PTPRD: variants seen among roughly 807,000 people sequenced by gnomAD.
PTPRD encodes protein tyrosine phosphatase receptor type D.
A neutral mutation model predicts 214.5 loss-of-function variants in PTPRD; 34 were observed. The ratio of observed to expected loss-of-function variants is 0.16; its 90% CI spans 0.12 to 0.21. The LOEUF (loss-of-function observed/expected upper bound fraction) is 0.21, where lower values mean the gene tolerates loss of function less well. Among genes scored for constraint, PTPRD ranks in the 10% least tolerant of loss-of-function variants. The probability of loss-of-function intolerance (pLI) is 1.00; values close to 1 mark genes in which losing one functional copy is unlikely to be tolerated. For synonymous variants in PTPRD, 1,128 were observed against 845.7 expected, an observed-to-expected ratio of 1.33 and a Z score of -5.79; for missense variants, 2,545 against 2,398.7, an observed-to-expected ratio of 1.06 and a Z score of -1.27.
chr9:10,465,814 A>C (rs995530426), intron 2 of PTPRD, among the ~76,000 whole-genome samples: 2 of 152,344 alleles, frequency 1.3e-5, no homozygotes, highest in Non-Finnish European at 2.9e-5. Flanking sequence ...GACCTCACCT[A>C]ACATGGCATT....
intron 5 of PTPRD, among the ~76,000 whole-genome samples, chr9:9,899,451 T>C (rs1274616563): frequency 1.3e-5 from 2 of 151,996 alleles, no homozygotes; most frequent in Non-Finnish European, 2.9e-5. Context: ...ATAAAAAAAG[T>C]TCAATAACAC....
intron 9 of PTPRD, among the ~76,000 whole-genome samples, chr9:9,260,760 G>T (rs10114102): frequency 0.61 from 92,988 of 151,580 alleles, 29,268 homozygotes; most frequent in African/African-American, 0.76. Context: ...AATGGTAGAC[G>T]ACACTTTTCA....
At chr9:9,373,162 A>G (rs569011530) in intron 9 of PTPRD, among the ~76,000 whole-genome samples, 2 of 152,160 alleles carry the variant, frequency 1.3e-5, no homozygotes, top group African/African-American at 4.8e-5. Flanking sequence ...ACAAAGGTTA[A>G]AGACATGGAC....
chr9:10,553,252 T>C (rs2061743274), intron 2 of PTPRD, among the ~76,000 whole-genome samples: 1 of 152,038 alleles, frequency 6.6e-6, no homozygotes, highest in African/African-American at 2.4e-5. Context: ...ATATCTTAGA[T>C]CCTAGCAGAA....
intron 7 of PTPRD, among the ~76,000 whole-genome samples, chr9:9,664,490 C>A (rs964295948): frequency 6.6e-6 from 1 of 151,592 alleles, no homozygotes; most frequent in African/African-American, 2.4e-5. Context: ...TAGATCAGCT[C>A]TTTTTCCATT....
At chr9:8,402,127 G>A (rs1183732997) in intron 36 of PTPRD, among the ~76,000 whole-genome samples, 4 of 152,092 alleles carry the variant, frequency 2.6e-5, no homozygotes, top group African/African-American at 7.2e-5. Context: ...TGCTGTTCAC[G>A]GTTGTAATTT....
chr9:9,365,009 A>T (rs2057459392), intron 9 of PTPRD, among the ~76,000 whole-genome samples: 1 of 151,496 alleles, frequency 6.6e-6, no homozygotes, highest in African/African-American at 2.4e-5. Context: ...TCTCTGATGA[A>T]CTGGATATGA....
chr9:9,772,233 T>C (rs1363641023), intron 5 of PTPRD, among the ~76,000 whole-genome samples: 2 of 152,028 alleles, frequency 1.3e-5, no homozygotes, highest in Admixed American at 6.6e-5. Flanking sequence ...AAGACGGCCA[T>C]CTACGAGACA....
intron 11 of PTPRD, among the ~76,000 whole-genome samples, chr9:8,831,170 G>A (rs2097282380): frequency 6.6e-6 from 1 of 152,126 alleles, no homozygotes; most frequent in Admixed American, 6.6e-5. Flanking sequence ...GTAAGAGGGA[G>A]GGTTGCGGAA....
At chr9:9,818,520 G>T (rs1357556294) in intron 5 of PTPRD, among the ~76,000 whole-genome samples, 1 of 152,106 alleles carries the variant, frequency 6.6e-6, no homozygotes, top group Non-Finnish European at 1.5e-5. Flanking sequence ...TAGAAATGTA[G>T]GTAGGGAAGG....
At chr9:9,562,635 C>A (rs1320326196) in intron 8 of PTPRD, among the ~76,000 whole-genome samples, 1 of 152,044 alleles carries the variant, frequency 6.6e-6, no homozygotes, top group Non-Finnish European at 1.5e-5. Flanking sequence ...TCAGCCTTTG[C>A]CTTTACAATT....
intron 11 of PTPRD, among the ~76,000 whole-genome samples, chr9:8,737,438 A>G (rs1450268230): frequency 1.3e-5 from 2 of 152,130 alleles, no homozygotes; most frequent in Non-Finnish European, 2.9e-5. Context: ...GATTCTTAAG[A>G]AAATAATTAA....
intron 7 of PTPRD, among the ~76,000 whole-genome samples, chr9:9,684,524 C>T (rs1009986539): frequency 6.6e-6 from 1 of 151,630 alleles, no homozygotes; most frequent in Non-Finnish European, 1.5e-5. Context: ...AAGATAGTTG[C>T]TTATTATTTT....
chr9:9,953,836 C>A (rs2093665171), intron 4 of PTPRD, among the ~76,000 whole-genome samples: 1 of 152,160 alleles, frequency 6.6e-6, no homozygotes, highest in Non-Finnish European at 1.5e-5. Context: ...TCGACATATG[C>A]TACATGATGC....
chr9:9,526,644 G>C (rs2074194553), intron 8 of PTPRD, among the ~76,000 whole-genome samples: 2 of 152,200 alleles, frequency 1.3e-5, no homozygotes, highest in Admixed American at 1.3e-4. Flanking sequence ...AATTAGTAAA[G>C]ATCTGATGAT....
chr9:9,260,859 T>C (rs562428457), intron 9 of PTPRD, among the ~76,000 whole-genome samples: 1 of 152,004 alleles, frequency 6.6e-6, no homozygotes, highest in South Asian at 2.1e-4. Context: ...TAAGTCTTTC[T>C]TCAAGAAATC....
At chr9:10,125,062 GTC>G (rs1408158186) in intron 3 of PTPRD, among the ~76,000 whole-genome samples, 1 of 152,172 alleles carries the variant, frequency 6.6e-6, no homozygotes, top group African/African-American at 2.4e-5. Flanking sequence ...GAAGGTGGTT[GTC>G]TGTTAGCCTA....
chr9:9,770,376 C>A (rs372032962), intron 5 of PTPRD, among the ~76,000 whole-genome samples: 1 of 152,062 alleles, frequency 6.6e-6, no homozygotes, highest in African/African-American at 2.4e-5. Flanking sequence ...AAGAAAAATA[C>A]GGTGGTTTAA....
intron 3 of PTPRD, among the ~76,000 whole-genome samples, chr9:10,068,080 A>G (rs2097916784): frequency 6.6e-6 from 1 of 151,948 alleles, no homozygotes; most frequent in South Asian, 2.1e-4. Context: ...GTAAAAAAAT[A>G]ATGGATTCAA....
Sources: allele counts gnomAD v4.1 joint callset (sites outside exome capture counted in the v4.1 genomes callset), GRCh38; gene constraint gnomAD v4.1.1; transcripts MANE v1.5; gene names NCBI Gene and HGNC (gene_info 2026-07-23, HGNC 2026-07-21).